Variants in POMK observed in about 807,000 individuals in gnomAD.
The protein encoded by POMK is Sugen kinase 196.
A neutral mutation model predicts 23.0 loss-of-function variants in POMK; 19 were observed. The ratio of observed to expected loss-of-function variants is 0.83; its 90% CI spans 0.58 to 1.21. The LOEUF (loss-of-function observed/expected upper bound fraction) is 1.21, where lower values mean the gene tolerates loss of function less well. Ranked by LOEUF, POMK falls within the 50% of genes most tolerant of loss-of-function variation. POMK has a pLI of 0.00. For missense variants in POMK, 410 were observed against 431.3 expected (o/e 0.95, Z 0.44); for synonymous variants, 173 against 171.6 (o/e 1.01, Z -0.06).
At position 43,122,388 on chromosome 8, in the gene POMK, C is replaced by T. The variant is rs55724435; in HGVS notation, c.564C>T (p.Ile188=). 9.4e-4 allele frequency: 1,516 copies of T among 1,614,234 alleles called. 2 individuals are homozygous for T. Among genetic ancestry groups the T allele is most frequent in the Admixed American group, 1.6e-3 (99 of 60,026 alleles). ...RLELAMDYVS[I]INYLHHSPVG... ...AGCTGGCCATGGACTATGTCAGCATCATTAATTACCTGCACCACAGCCCTG... is the reference window on the plus strand; with the variant it reads ...AGCTGGCCATGGACTATGTCAGCATTATTAATTACCTGCACCACAGCCCTG... Residue 188 remains isoleucine, a synonymous_variant, in exon 5 of 5, where the codon ATC becomes ATT. Coordinates refer to ENST00000331373, the MANE Select transcript of POMK (RefSeq NM_032237.5).
At position 43,111,506 on chromosome 8, in the gene POMK, A is replaced by G. The variant is rs1811663876; in HGVS notation, c.282+7676A>G. On this transcript the variant is annotated intron_variant, in intron 4 of 4. Transcript: ENST00000331373. ...CTCCACCTCTGGGGGCAGGGCACAG[A>G]CAAACAAAAGACAGTAATAACCTCT... Among the ~76,000 whole-genome samples the G allele has an allele frequency of 2.0e-5, 3 of 152,182 alleles. No homozygotes were observed. In the South Asian group the frequency reaches 6.2e-4, roughly 32 times the overall value.
intron 4 of POMK, among the ~76,000 whole-genome samples, chr8:43,118,083 T>C (rs1811833611): frequency 6.6e-6 from 1 of 152,230 alleles, no homozygotes; most frequent in Non-Finnish European, 1.5e-5. Flanking sequence ...ATCCAGTCTA[T>C]TTTGACAGCA....
intron 4 of POMK, among the ~76,000 whole-genome samples, chr8:43,112,096 G>C (rs1811683242): frequency 6.6e-6 from 1 of 152,114 alleles, no homozygotes; most frequent in Non-Finnish European, 1.5e-5. Flanking sequence ...AGAGAGGAAG[G>C]CTTCAGATGA....
chr8:43,097,083 A>G (rs1811349829), intron 1 of POMK, among the ~76,000 whole-genome samples: 1 of 152,230 alleles, frequency 6.6e-6, no homozygotes, highest in Non-Finnish European at 1.5e-5. Context: ...TCTTAAGTAG[A>G]TAGATAAGTA....
At chr8:43,113,129 C>T (rs534682692) in intron 4 of POMK, among the ~76,000 whole-genome samples, 22 of 152,276 alleles carry the variant, frequency 1.4e-4, no homozygotes, top group African/African-American at 5.1e-4. Context: ...GTGGCATTTT[C>T]TGTATTTCCT....
At position 43,122,179 on chromosome 8, in the gene POMK, T is replaced by C; in HGVS notation, c.355T>C (p.Phe119Leu). 1 of 1,614,194 alleles carries C rather than the reference T, an allele frequency of 6.2e-7. No homozygotes were observed. Among genetic ancestry groups the C allele is most frequent in the Non-Finnish European group, 8.5e-7 (1 of 1,180,022 alleles). The change falls in exon 5 of 5, where the codon TTC becomes CTC. Residue 119 changes from phenylalanine (F) to leucine (L), a missense_variant. Phe to Leu is a conservative substitution (Grantham distance 22). Transcript: ENST00000331373. ...QLTSLEMKDD[F>L]LHGLQMLKSL... is the part of the protein sequence containing the mutation. ...CACCAGCCTGGAGATGAAAGATGAT[T>C]TCCTCCATGGACTGCAGATGCTGAA...
At chr8:43,101,417 CAAAAAA>C (rs1156411465) in intron 2 of POMK, among the ~76,000 whole-genome samples, 2 of 57,536 alleles carry the variant, frequency 3.5e-5, no homozygotes, top group African/African-American at 1.2e-4. Context: ...GACCCTATGT[CAAAAAA>C]AAAAAAAAAA....
Position 43,101,720 on chromosome 8 carries a change from C to T in POMK, c.-117-785C>T, listed in dbSNP as rs187214068. 2.5e-3 allele frequency among the ~76,000 whole-genome samples: 385 copies of T among 152,252 alleles called. 2 individuals are homozygous for T. Among genetic ancestry groups the T allele is most frequent in the South Asian group, 0.011 (52 of 4,820 alleles). On this transcript the variant is annotated intron_variant, in intron 2 of 4. Transcript: ENST00000331373. ...TCCAGGAAAGCATGGGATGTTTTATCCCAACTGATAAGACTTCAAACTGCA... is the reference window on the plus strand; with the variant it reads ...TCCAGGAAAGCATGGGATGTTTTATTCCAACTGATAAGACTTCAAACTGCA...
intron 1 of POMK, among the ~76,000 whole-genome samples, chr8:43,095,771 A>G (rs771842524): frequency 6.6e-6 from 1 of 152,182 alleles, no homozygotes; most frequent in South Asian, 2.1e-4. Flanking sequence ...CTCTTAAGGA[A>G]TTACCACTCC....
Position 43,123,016 on chromosome 8 carries a change from A to T in POMK, c.*139A>T, listed in dbSNP as rs879853528. ...CTTAGCCATGTGGTTCGTTGTCCAC[A>T]TCCACATGTACGTTTGTATGTAGTC... is the stretch of plus-strand genomic sequence containing the variant. On this transcript the variant is annotated 3_prime_UTR_variant, in exon 5 of 5. Transcript: ENST00000331373. 1 of 712,290 alleles carries T rather than the reference A, an allele frequency of 1.4e-6. No homozygotes were observed. The highest frequency in any genetic ancestry group is 2.3e-6 in the Non-Finnish European group (1 of 434,424). 44.1% of individuals were successfully genotyped at this position (712,290 alleles called of 1,614,324 possible). A position where few individuals can be genotyped will look rare whatever the true frequency, so the allele number is the denominator to read the frequency against.
intron 4 of POMK, among the ~76,000 whole-genome samples, chr8:43,113,250 A>G (rs1316500430): frequency 1.3e-5 from 2 of 152,196 alleles, no homozygotes; most frequent in Non-Finnish European, 2.9e-5. Context: ...AGGTACACCA[A>G]TCAGACGTAG....
intron 3 of POMK, among the ~76,000 whole-genome samples, 188 bp downstream of exon 3, chr8:43,102,788 G>T (rs774700848): frequency 6.6e-6 from 1 of 152,112 alleles, no homozygotes; most frequent in Non-Finnish European, 1.5e-5. Flanking sequence ...AGGCTTCTCC[G>T]CAGCCAGGCC....
intron 4 of POMK, among the ~76,000 whole-genome samples, chr8:43,121,111 C>A (rs1027017929): frequency 3.9e-5 from 6 of 152,216 alleles, no homozygotes; most frequent in African/African-American, 1.4e-4. Context: ...GAGCTTCTTA[C>A]CTATTTCCGA....
intron 4 of POMK, among the ~76,000 whole-genome samples, chr8:43,107,221 AAACT>A (rs1586673290): frequency 1.3e-5 from 2 of 152,336 alleles, no homozygotes; most frequent in South Asian, 2.1e-4. Flanking sequence ...AAGAAAAAAA[AAACT>A]AACAACATGT....
chr8:43,121,991 C>G (rs1272667194), intron 4 of POMK, 116 bp from the exon 5 acceptor site: 7 of 1,017,248 alleles, frequency 6.9e-6, no homozygotes, highest in South Asian at 3.0e-5. Context: ...GGGTCTGCAC[C>G]TTGTTAATTT....
intron 4 of POMK, among the ~76,000 whole-genome samples, chr8:43,111,383 C>T (rs994017393): frequency 3.9e-5 from 6 of 152,312 alleles, no homozygotes; most frequent in Non-Finnish European, 8.8e-5. Flanking sequence ...GAGGGGCGCC[C>T]GCCATTGCTC....
rs762691852 is a variant in POMK at position 43,122,701 on chromosome 8, C to T, written c.877C>T (p.Leu293=). 2 of 1,614,086 alleles carry T rather than the reference C, an allele frequency of 1.2e-6. No individual in the cohort carries two copies. The highest frequency in any genetic ancestry group is 1.7e-5 in the Admixed American group (1 of 60,006). Residue 293 remains leucine (L), a synonymous_variant, in exon 5 of 5, where the codon CTG becomes TTG. Coordinates refer to ENST00000331373, the MANE Select transcript of POMK (RefSeq NM_032237.5). The part of the protein sequence containing the change: ...WKIPDISSFL[L]GHIEGSDMVR... Reference sequence around the variant, plus strand: ...GATCCCAGACATCTCCAGTTTCCTTCTGGGGCACATTGAAGGGAGTGATAT... The same window carrying T: ...GATCCCAGACATCTCCAGTTTCCTTTTGGGGCACATTGAAGGGAGTGATAT...
intron 4 of POMK, among the ~76,000 whole-genome samples, chr8:43,118,379 A>G (rs1811845348): frequency 1.3e-5 from 2 of 152,248 alleles, no homozygotes; most frequent in African/African-American, 4.8e-5. Flanking sequence ...TTAATAAATA[A>G]AGGCATAGAA....
intron 4 of POMK, among the ~76,000 whole-genome samples, chr8:43,106,710 G>T (rs760136711): frequency 6.2e-4 from 94 of 151,944 alleles, no homozygotes; most frequent in Admixed American, 2.0e-3. Context: ...TGTTGGCCAG[G>T]CTGGTCTTGA....
Sources: gnomAD v4.1 joint callset for allele counts (sites outside exome capture counted in the v4.1 genomes callset) on GRCh38, gnomAD v4.1.1 for gene constraint, MANE v1.5 for transcripts, NCBI Gene and HGNC (gene_info 2026-07-23, HGNC 2026-07-21) for gene names.